VAV3: variants seen among roughly 807,000 people sequenced by gnomAD.
VAV3 encodes guanine nucleotide exchange factor VAV3.
VAV3 carries 94 observed loss-of-function variants against 131.2 expected under a neutral mutation model. The observed-to-expected ratio is 0.72, with a 90% confidence interval of 0.61 to 0.85. The LOEUF (loss-of-function observed/expected upper bound fraction) is 0.85. Among genes scored for constraint, VAV3 ranks in the 40% least tolerant of loss-of-function variants. VAV3 has a pLI of 0.00. For synonymous variants in VAV3, 349 were observed against 342.0 expected (o/e 1.02, Z -0.22); for missense variants, 939 against 1,002.7 (o/e 0.94, Z 0.86).
chr1:107,602,438 A>T lies in VAV3; in HGVS notation c.2179T>A (p.Phe727Ile). The change falls in exon 24 of 27, where the codon TTT becomes ATT. Residue 727 changes from phenylalanine to isoleucine, a missense_variant. Phe to Ile is a conservative substitution (Grantham distance 21). Coordinates refer to ENST00000370056, the MANE Select transcript of VAV3 (RefSeq NM_006113.5). ...KHIKILTRDG[F>I]FHIAENRKFK... is the part of the protein sequence containing the mutation. ...TTTCTATTTTCTGCAATGTGAAAAA[A>T]GCCATCTCTTGTTAAAATCTTGATG... 4 of 1,575,510 alleles carry T rather than the reference A, an allele frequency of 2.5e-6. No individual in the cohort carries two copies. The highest frequency in any genetic ancestry group is 3.4e-6 in the Non-Finnish European group (4 of 1,167,906).
intron 1 of VAV3, among the ~76,000 whole-genome samples, chr1:107,909,547 T>C (rs186527540): frequency 8.9e-4 from 136 of 152,284 alleles, no homozygotes; most frequent in Non-Finnish European, 1.1e-3. Flanking sequence ...TTGGTACAGA[T>C]TAATCACAAA....
intron 13 of VAV3, among the ~76,000 whole-genome samples, chr1:107,750,533 C>G (rs1663649357): frequency 6.6e-6 from 1 of 152,096 alleles, no homozygotes. Flanking sequence ...ACCTATGGAG[C>G]CAGGGTTATC....
At chr1:107,809,344 C>T (rs1667209711) in intron 2 of VAV3, among the ~76,000 whole-genome samples, 1 of 152,134 alleles carries the variant, frequency 6.6e-6, no homozygotes, top group Admixed American at 6.5e-5. Context: ...AAATATTTAA[C>T]ATGTTCAACA....
At chr1:107,649,191 T>C (rs1557732689) in intron 19 of VAV3, among the ~76,000 whole-genome samples, 1 of 152,046 alleles carries the variant, frequency 6.6e-6, no homozygotes, top group Non-Finnish European at 1.5e-5. Context: ...CATAAGGTTA[T>C]TATCACCTAA....
intron 25 of VAV3, among the ~76,000 whole-genome samples, chr1:107,583,749 TA>T (rs1234641779): frequency 6.6e-6 from 1 of 151,902 alleles, no homozygotes; most frequent in Non-Finnish European, 1.5e-5. Flanking sequence ...CTCAATGAAA[TA>T]AAAGAGGATA....
intron 2 of VAV3, among the ~76,000 whole-genome samples, chr1:107,785,878 C>T (rs1292997469): frequency 6.6e-6 from 1 of 152,186 alleles, no homozygotes; most frequent in East Asian, 1.9e-4. Context: ...ACATGTTTCA[C>T]CTTAACTCTC....
chr1:107,576,576 T>C, intron 25 of VAV3: 1 of 1,006,210 alleles, frequency 9.9e-7, no homozygotes, highest in Non-Finnish European at 1.4e-6. Context: ...CTATCACCAT[T>C]TCTAAATGAA....
chr1:107,629,488 C>A (rs887070121), intron 20 of VAV3, among the ~76,000 whole-genome samples: 1 of 152,158 alleles, frequency 6.6e-6, no homozygotes, highest in African/African-American at 2.4e-5. Flanking sequence ...AATTGTCCTG[C>A]ATGTTGTTAG....
chr1:107,690,231 T>C (rs1015561423), intron 17 of VAV3, among the ~76,000 whole-genome samples: 3 of 152,204 alleles, frequency 2.0e-5, no homozygotes, highest in Admixed American at 2.0e-4. Flanking sequence ...AATGTATTAT[T>C]CATGGCATAA....
chr1:107,808,484 A>G (rs1228812137), intron 2 of VAV3, among the ~76,000 whole-genome samples: 7 of 152,168 alleles, frequency 4.6e-5, no homozygotes, highest in Admixed American at 1.3e-4. Flanking sequence ...GACTACTAGA[A>G]AAAAGGAAAT....
intron 1 of VAV3, among the ~76,000 whole-genome samples, chr1:107,905,011 C>A (rs1672036089): frequency 1.3e-5 from 2 of 152,118 alleles, no homozygotes; most frequent in South Asian, 4.1e-4. Flanking sequence ...AGAAGAACAA[C>A]CCAGTGCAAA....
At position 107,770,737 on chromosome 1, in the gene VAV3, A is replaced by G. The variant is rs745333582; in HGVS notation, c.556-9T>C. 4 of 1,589,922 alleles carry G rather than the reference A, an allele frequency of 2.5e-6. No homozygotes were observed. In the African/African-American group the frequency reaches 5.4e-5, roughly 22 times the overall value. ...TCATTTTCTGGACATTTCTGCAGTT[A>G]GAATTATCAAAATAAAATGATTTAA... On this transcript the variant is annotated splice_polypyrimidine_tract_variant and intron_variant, in intron 5 of 26. Transcript: ENST00000370056.
chr1:107,951,342 G>A (rs1285401300), intron 1 of VAV3, among the ~76,000 whole-genome samples: 2 of 152,126 alleles, frequency 1.3e-5, no homozygotes, highest in African/African-American at 4.8e-5. Context: ...TCTTGCAAAA[G>A]CCTGACTCCC....
At chr1:107,599,453 C>T (rs11185143) in intron 24 of VAV3, among the ~76,000 whole-genome samples, 114,500 of 152,034 alleles carry the variant, frequency 0.75, 44,064 homozygotes, top group Non-Finnish European at 0.85. Flanking sequence ...TCAAGTCTCT[C>T]AAAAATAATG....
chr1:107,657,598 C>T (rs76829753), intron 19 of VAV3, among the ~76,000 whole-genome samples: 2,204 of 152,172 alleles, frequency 0.014, 57 homozygotes, highest in African/African-American at 0.051. Flanking sequence ...GTTCATATCA[C>T]TTTGGACGTA....
chr1:107,736,482 C>T (rs1484580925), intron 15 of VAV3, among the ~76,000 whole-genome samples: 3 of 152,158 alleles, frequency 2.0e-5, no homozygotes, highest in East Asian at 1.9e-4. Context: ...CCAAAATCTC[C>T]TTAAGATGAT....
In VAV3 at chr1:107,571,318, T is replaced by A. The variant is rs957888776; in HGVS notation, c.*2013A>T. 3.4e-4 allele frequency: 52 copies of A among 152,574 alleles called. No individual in the cohort carries two copies. The highest frequency in any genetic ancestry group is 1.2e-3 in the African/African-American group (50 of 41,426). The allele number at this position is 152,574 out of a possible 1,614,324, so 9.5% of individuals were successfully genotyped here. A position where few individuals can be genotyped will look rare whatever the true frequency, so the allele number is the denominator to read the frequency against. On this transcript the variant is annotated 3_prime_UTR_variant, in exon 27 of 27. Coordinates refer to ENST00000370056, the MANE Select transcript of VAV3 (RefSeq NM_006113.5). ...CTTTGGTATTAGAACTCTACACAAA[T>A]CTGCAGCATTTAAATTTTCCAAAAC...
chr1:107,851,318 T>C (rs900732216), intron 2 of VAV3, among the ~76,000 whole-genome samples: 3 of 148,112 alleles, frequency 2.0e-5, no homozygotes, highest in Non-Finnish European at 4.4e-5. Flanking sequence ...AAATGTGTTA[T>C]AAAAGGGTCA....
intron 2 of VAV3, among the ~76,000 whole-genome samples, chr1:107,810,228 G>A (rs1667253648): frequency 6.6e-6 from 1 of 152,054 alleles, no homozygotes; most frequent in African/African-American, 2.4e-5. Flanking sequence ...ACAGAGGTGG[G>A]GTGTCACTCA....
Sources: allele counts gnomAD v4.1 joint callset (sites outside exome capture counted in the v4.1 genomes callset), GRCh38; gene constraint gnomAD v4.1.1; transcripts MANE v1.5; gene names NCBI Gene and HGNC (gene_info 2026-07-23, HGNC 2026-07-21).